MTX2: variants seen among roughly 807,000 people sequenced by gnomAD.
MTX2 encodes metaxin-2.
In MTX2, 35 loss-of-function variants were observed where a neutral mutation model predicts 42.3. The observed-to-expected ratio is 0.83, with a 90% confidence interval of 0.63 to 1.10. The LOEUF (loss-of-function observed/expected upper bound fraction) is 1.10, where lower values mean the gene tolerates loss of function less well. Among genes scored for constraint, MTX2 ranks in the 50% least tolerant of loss-of-function variants. The probability of loss-of-function intolerance (pLI) is 0.00; values close to 1 mark genes in which losing one functional copy is unlikely to be tolerated. For synonymous variants in MTX2, 119 were observed against 100.9 expected, an observed-to-expected ratio of 1.18 and a Z score of -1.08; for missense variants, 307 against 304.1, an observed-to-expected ratio of 1.01 and a Z score of -0.07.
At position 176,337,561 on chromosome 2, in the gene MTX2, A is replaced by G. The variant is rs758528937; in HGVS notation, c.689A>G (p.Asp230Gly). ...YTILTTQLTN[D>G]ELSEKVKNYS... ...ATTCTTACCACACAATTGACAAATG[A>G]TGAACTTTCTGAGAAGGTGAAAAAC... is the stretch of plus-strand genomic sequence containing the variant. The change falls in exon 10 of 10, where the codon GAT becomes GGT. Residue 230 changes from aspartate (D) to glycine (G), a missense_variant. Asp to Gly is a moderately conservative substitution (Grantham distance 94). Transcript: ENST00000249442. 12 of 1,613,462 alleles carry G rather than the reference A, an allele frequency of 7.4e-6. No individual in the cohort carries two copies. Among genetic ancestry groups the G allele is most frequent in the Admixed American group, 3.3e-5 (2 of 59,976 alleles).
chr2:176,270,562 A>G (rs1009407412), intron 1 of MTX2: 3 of 417,360 alleles, frequency 7.2e-6, no homozygotes, highest in Admixed American at 3.5e-5. Context: ...TGTTTTCAAC[A>G]TGAGTACAGT....
At chr2:176,274,783 A>G (rs1369225151) in intron 1 of MTX2, among the ~76,000 whole-genome samples, 1 of 151,780 alleles carries the variant, frequency 6.6e-6, no homozygotes, top group Non-Finnish European at 1.5e-5. Context: ...CACTTAGGAT[A>G]CTCTCCCTTT....
intron 1 of MTX2, among the ~76,000 whole-genome samples, chr2:176,292,355 T>A (rs964855212): frequency 2.0e-5 from 3 of 152,208 alleles, no homozygotes; most frequent in African/African-American, 7.2e-5. Flanking sequence ...TTTATTGTTG[T>A]TTTAAAATGA....
At chr2:176,289,051 T>G (rs911312108) in intron 1 of MTX2, among the ~76,000 whole-genome samples, 5 of 152,044 alleles carry the variant, frequency 3.3e-5, no homozygotes, top group African/African-American at 1.2e-4. Context: ...CGGGTATACT[T>G]ATGTGAATTT....
chr2:176,305,080 A>G (rs1476887879), intron 3 of MTX2, among the ~76,000 whole-genome samples: 1 of 152,058 alleles, frequency 6.6e-6, no homozygotes, highest in Non-Finnish European at 1.5e-5. Context: ...TTTATTGCTT[A>G]GGTGCAACTA....
intron 3 of MTX2, among the ~76,000 whole-genome samples, chr2:176,311,843 C>T (rs185672594): frequency 1.3e-5 from 2 of 152,310 alleles, no homozygotes; most frequent in Admixed American, 1.3e-4. Context: ...TATCCCCTGA[C>T]CCCTTGCGCT....
intron 1 of MTX2, among the ~76,000 whole-genome samples, chr2:176,279,761 T>A (rs1278467706): frequency 6.6e-6 from 1 of 152,178 alleles, no homozygotes; most frequent in Admixed American, 6.5e-5. Context: ...ATTTTCTCCC[T>A]AAACAGTTTT....
At chr2:176,321,540 A>G (rs1684582717) in intron 3 of MTX2, among the ~76,000 whole-genome samples, 1 of 152,182 alleles carries the variant, frequency 6.6e-6, no homozygotes, top group Non-Finnish European at 1.5e-5. Context: ...TGGTGACTAC[A>G]TGATTATCAA....
intron 1 of MTX2, among the ~76,000 whole-genome samples, chr2:176,293,744 C>G (rs565254071): frequency 8.5e-5 from 13 of 152,282 alleles, no homozygotes; most frequent in African/African-American, 3.1e-4. Flanking sequence ...AACTTCTTTT[C>G]TGTATAAATT....
rs186187698 is a variant in MTX2 at position 176,281,440 on chromosome 2, C to T, written c.40+11771C>T. ...TGGCTTCTTCATGTGGCTTGGCTTC[C>T]TCACAGCTTGGTGGCCTGAGGGTAG... On this transcript the variant is annotated intron_variant, in intron 1 of 9. Coordinates refer to ENST00000249442, the MANE Select transcript of MTX2 (RefSeq NM_006554.5). Among the ~76,000 whole-genome samples the T allele has an allele frequency of 3.9e-5, 6 of 152,270 alleles. No individual in the cohort carries two copies. The East Asian group carries it at 1.2e-3, about 29-fold the overall frequency.
At chr2:176,332,299 G>A (rs1684881316) in intron 9 of MTX2, among the ~76,000 whole-genome samples, 2 of 151,236 alleles carry the variant, frequency 1.3e-5, no homozygotes, top group Non-Finnish European at 3.0e-5. Context: ...TCACTTCCTT[G>A]TGCCAACATT....
chr2:176,317,790 G>C (rs995521648), intron 3 of MTX2, among the ~76,000 whole-genome samples: 3 of 152,082 alleles, frequency 2.0e-5, no homozygotes, highest in Non-Finnish European at 2.9e-5. Flanking sequence ...GCCCTCTGCT[G>C]TTTGGGTCCC....
At chr2:176,334,816 G>A (rs1432330698) in intron 9 of MTX2, among the ~76,000 whole-genome samples, 1 of 151,984 alleles carries the variant, frequency 6.6e-6, no homozygotes, top group Non-Finnish European at 1.5e-5. Flanking sequence ...GATATATACA[G>A]CATTGCCTTT....
intron 3 of MTX2, among the ~76,000 whole-genome samples, chr2:176,306,419 A>C (rs1684145304): frequency 6.6e-6 from 1 of 152,216 alleles, no homozygotes; most frequent in Non-Finnish European, 1.5e-5. Flanking sequence ...CTTTGGGTAT[A>C]TACCCAGTAA....
chr2:176,270,365 G>T (rs1246419836), intron 1 of MTX2: 1 of 1,362,358 alleles, frequency 7.3e-7, no homozygotes, highest in Non-Finnish European at 9.8e-7. Flanking sequence ...AAATCTGCAT[G>T]TACTTTAAAG....
intron 1 of MTX2, among the ~76,000 whole-genome samples, chr2:176,291,704 C>G (rs959150010): frequency 4.6e-5 from 7 of 152,150 alleles, no homozygotes; most frequent in African/African-American, 1.4e-4. Context: ...AGCAGGGGGC[C>G]CTTCCAAGTG....
intron 1 of MTX2, among the ~76,000 whole-genome samples, chr2:176,277,884 T>C (rs1034861249): frequency 6.6e-6 from 1 of 151,992 alleles, no homozygotes; most frequent in Admixed American, 6.6e-5. Flanking sequence ...GTTGTGCTTA[T>C]GACCTTGAAG....
At chr2:176,322,762 A>G (rs1339166792) in intron 3 of MTX2, among the ~76,000 whole-genome samples, 1 of 152,006 alleles carries the variant, frequency 6.6e-6, no homozygotes, top group East Asian at 1.9e-4. Context: ...TTGATTGTGT[A>G]TAGCATTCCA....
chr2:176,312,915 C>T (rs1449319055), intron 3 of MTX2, among the ~76,000 whole-genome samples: 1 of 149,192 alleles, frequency 6.7e-6, no homozygotes, highest in African/African-American at 2.5e-5. Flanking sequence ...TGGTTATTTT[C>T]CTTTATTCTT....
Sources: gnomAD v4.1 joint callset for allele counts (sites outside exome capture counted in the v4.1 genomes callset) on GRCh38, gnomAD v4.1.1 for gene constraint, MANE v1.5 for transcripts, NCBI Gene and HGNC (gene_info 2026-07-23, HGNC 2026-07-21) for gene names.